The following IPCEF1 variants were observed in gnomAD, a reference collection of about 807,000 sequenced individuals.
IPCEF1 encodes the protein interaction protein for cytohesin exchange factors 1, also known as interactor protein for cytohesin exchange factors 1.
Under a neutral mutation model 50.9 loss-of-function variants are expected in IPCEF1, and 31 were observed. The observed-to-expected ratio is 0.61, with a 90% CI of 0.46 to 0.82. The LOEUF is 0.82. Among genes scored for constraint, IPCEF1 ranks in the 40% least tolerant of loss-of-function variants. IPCEF1 has a pLI of 0.00. For missense variants in IPCEF1, 458 were observed against 514.0 expected, an observed-to-expected ratio of 0.89 and a Z score of 1.05; for synonymous variants, 181 against 192.0, an observed-to-expected ratio of 0.94 and a Z score of 0.47.
chr6:154,285,519 A>G (rs750826216), intron 2 of IPCEF1, among the ~76,000 whole-genome samples: 6 of 152,168 alleles, frequency 3.9e-5, no homozygotes, highest in Non-Finnish European at 7.3e-5. Context: ...TAACCAGGAA[A>G]ACAATAGCTC....
intron 11 of IPCEF1, among the ~76,000 whole-genome samples, chr6:154,164,716 G>T (rs1257058494): frequency 6.6e-6 from 1 of 152,168 alleles, no homozygotes; most frequent in South Asian, 2.1e-4. Context: ...GGAAGAAAGG[G>T]TTCACCGCTC....
intron 2 of IPCEF1, among the ~76,000 whole-genome samples, chr6:154,266,572 A>G (rs1342872246): frequency 6.9e-6 from 1 of 144,920 alleles, no homozygotes; most frequent in East Asian, 2.0e-4. Flanking sequence ...ATATATATAT[A>G]TATATATATA....
At position 154,216,728 on chromosome 6, in the gene IPCEF1, C is replaced by T. The variant is rs140385057; in HGVS notation, c.393-2452G>A. Among the ~76,000 whole-genome samples, 1,057 of 152,184 alleles carry T rather than the reference C, an allele frequency of 6.9e-3. 11 individuals are homozygous for T. The highest frequency in any genetic ancestry group is 0.024 in the Middle Eastern group (7 of 294). On this transcript the variant is annotated intron_variant, in intron 7 of 11. Transcript: ENST00000367220. Reference sequence around the variant, plus strand: ...ACCAAAAATACAAAAATTAGCCAGGCGTGGTGGCACACGCCTATAATCCCA... The same window carrying T: ...ACCAAAAATACAAAAATTAGCCAGGTGTGGTGGCACACGCCTATAATCCCA...
intron 2 of IPCEF1, among the ~76,000 whole-genome samples, chr6:154,283,562 C>T (rs929819478): frequency 6.6e-6 from 1 of 152,004 alleles, no homozygotes; most frequent in Non-Finnish European, 1.5e-5. Context: ...CGCGCCACTG[C>T]ACTCCAGCCT....
chr6:154,228,203 C>T (rs957382377), intron 5 of IPCEF1, among the ~76,000 whole-genome samples: 19 of 151,992 alleles, frequency 1.3e-4, no homozygotes, highest in South Asian at 4.1e-4. Flanking sequence ...GGGTGGCTCA[C>T]GCCTGTAATC....
At chr6:154,308,874 C>T (rs980255501) in intron 1 of IPCEF1, among the ~76,000 whole-genome samples, 1 of 152,140 alleles carries the variant, frequency 6.6e-6, no homozygotes, top group Non-Finnish European at 1.5e-5. Context: ...TACTATTTTT[C>T]AATTTAAATT....
At chr6:154,292,045 A>G (rs368926115) in intron 1 of IPCEF1, among the ~76,000 whole-genome samples, 2 of 152,352 alleles carry the variant, frequency 1.3e-5, no homozygotes, top group East Asian at 3.9e-4. Flanking sequence ...TTCCAATTGT[A>G]TCACTGATGT....
intron 2 of IPCEF1, among the ~76,000 whole-genome samples, chr6:154,287,593 G>A (rs1782396414): frequency 6.6e-6 from 1 of 152,050 alleles, no homozygotes; most frequent in African/African-American, 2.4e-5. Context: ...TCAAACCCCA[G>A]CCCTCTGAGC....
chr6:154,308,985 GT>G (rs898888459), intron 1 of IPCEF1, among the ~76,000 whole-genome samples: 31 of 152,172 alleles, frequency 2.0e-4, no homozygotes, highest in African/African-American at 7.5e-4. Flanking sequence ...TCTACATTTG[GT>G]TTTTTTGTTT....
chr6:154,334,083 A>G (rs1783737230), intron 1 of IPCEF1, among the ~76,000 whole-genome samples: 1 of 152,232 alleles, frequency 6.6e-6, no homozygotes, highest in African/African-American at 2.4e-5. Flanking sequence ...AGAGGTCTAG[A>G]TCAGGCATTT....
intron 2 of IPCEF1, among the ~76,000 whole-genome samples, chr6:154,270,282 T>C (rs913127163): frequency 6.6e-6 from 1 of 152,242 alleles, no homozygotes; most frequent in Non-Finnish European, 1.5e-5. Context: ...ACTGTTGTGA[T>C]AAATCATCAT....
chr6:154,309,149 G>A (rs1783010771), intron 1 of IPCEF1, among the ~76,000 whole-genome samples: 1 of 152,106 alleles, frequency 6.6e-6, no homozygotes, highest in Non-Finnish European at 1.5e-5. Flanking sequence ...CTTTTACTAA[G>A]TATCATATAC....
intron 1 of IPCEF1, among the ~76,000 whole-genome samples, chr6:154,329,180 C>CG (rs200896828): frequency 0.021 from 3,223 of 152,044 alleles, 60 homozygotes; most frequent in Non-Finnish European, 0.032. Flanking sequence ...GGGAGGTCGA[C>CG]GGGGGAGAAT....
intron 10 of IPCEF1, among the ~76,000 whole-genome samples, chr6:154,185,255 C>T (rs1461948238): frequency 2.0e-5 from 3 of 152,192 alleles, no homozygotes; most frequent in African/African-American, 7.2e-5. Context: ...TCTGTATTTC[C>T]AGGGAGCAGC....
chr6:154,310,043 C>T (rs145540442), intron 1 of IPCEF1, among the ~76,000 whole-genome samples: 4,336 of 152,266 alleles, frequency 0.028, 67 homozygotes, highest in Middle Eastern at 0.075. Context: ...GGATCACAGG[C>T]GTGAGCCACC....
chr6:154,303,881 A>G (rs563018353), intron 1 of IPCEF1, among the ~76,000 whole-genome samples: 1 of 152,304 alleles, frequency 6.6e-6, no homozygotes, highest in African/African-American at 2.4e-5. Flanking sequence ...TGATTGTGCC[A>G]CTGCACTCCA....
intron 1 of IPCEF1, among the ~76,000 whole-genome samples, chr6:154,321,480 G>A (rs1045454614): frequency 3.3e-5 from 5 of 151,684 alleles, no homozygotes; most frequent in Non-Finnish European, 7.4e-5. Flanking sequence ...AATATAAAAA[G>A]CATCCAAAAG....
At position 154,213,058 on chromosome 6, in the gene IPCEF1, C is replaced by T. The variant is rs540875923; in HGVS notation, c.452-203G>A. On this transcript the variant is annotated intron_variant, in intron 8 of 11. Coordinates refer to ENST00000367220, the MANE Select transcript of IPCEF1 (RefSeq NM_001130700.2). Reference sequence around the variant, plus strand: ...AAATGGCCAATTCGGGGCTCCTGACCTCAAAGAGCATCCAATATGCAGGAA... The same window carrying T: ...AAATGGCCAATTCGGGGCTCCTGACTTCAAAGAGCATCCAATATGCAGGAA... 69 of 543,792 alleles carry T rather than the reference C, an allele frequency of 1.3e-4. 1 individual carries two copies. In the South Asian group the frequency reaches 1.8e-3, roughly 14 times the overall value. The allele number at this position is 543,792 out of a possible 1,614,324, so 33.7% of individuals were successfully genotyped here.
intron 5 of IPCEF1, among the ~76,000 whole-genome samples, chr6:154,224,591 A>G (rs1779112313): frequency 6.6e-6 from 1 of 152,026 alleles, no homozygotes; most frequent in South Asian, 2.1e-4. Flanking sequence ...GGCCCCTGTA[A>G]TTTCAGCTAC....
Sources: allele counts gnomAD v4.1 joint callset (sites outside exome capture counted in the v4.1 genomes callset), GRCh38; gene constraint gnomAD v4.1.1; transcripts MANE v1.5; gene names NCBI Gene and HGNC (gene_info 2026-07-23, HGNC 2026-07-21).